The following BLVRA variants were observed in gnomAD, a reference collection of about 807,000 sequenced individuals.
BLVRA encodes the protein biliverdin reductase A, also known as BVR A.
A neutral mutation model predicts 32.8 loss-of-function variants in BLVRA; 22 were observed. The observed-to-expected ratio is 0.67, with a 90% CI of 0.48 to 0.96. The LOEUF is 0.96. BLVRA is among the 40% of genes least tolerant of loss of function. The pLI is 0.00. For missense variants in BLVRA, 323 were observed against 358.1 expected (o/e 0.90, Z 0.79); for synonymous variants, 119 against 141.3 (o/e 0.84, Z 1.12).
intron 5 of BLVRA, 34 bp from the exon 6 acceptor site, chr7:43,800,431 G>A (rs925773947): frequency 1.2e-5 from 19 of 1,592,344 alleles, no homozygotes; most frequent in African/African-American, 2.7e-5. Flanking sequence ...CACAACTGAC[G>A]ACTGCCCTTT....
chr7:43,785,916 G>A (rs1381752739), intron 2 of BLVRA, among the ~76,000 whole-genome samples: 5 of 151,774 alleles, frequency 3.3e-5, no homozygotes, highest in Non-Finnish European at 7.4e-5. Context: ...CCAACAAATG[G>A]GATAAAATGG....
At chr7:43,772,291 C>T (rs979036939) in intron 2 of BLVRA, among the ~76,000 whole-genome samples, 3 of 152,254 alleles carry the variant, frequency 2.0e-5, no homozygotes, top group Non-Finnish European at 4.4e-5. Flanking sequence ...CATATGTTCG[C>T]ATTCCCTTTC....
At chr7:43,790,903 C>A (rs1443608464) in intron 3 of BLVRA, among the ~76,000 whole-genome samples, 1 of 152,174 alleles carries the variant, frequency 6.6e-6, no homozygotes, top group Non-Finnish European at 1.5e-5. Flanking sequence ...GAACTCCTGA[C>A]CTCAAGTGAT....
At chr7:43,784,112 C>T (rs1270940946) in intron 2 of BLVRA, among the ~76,000 whole-genome samples, 2 of 152,324 alleles carry the variant, frequency 1.3e-5, no homozygotes, top group East Asian at 3.9e-4. Flanking sequence ...GTTTTTTAGT[C>T]ACTTTGCTGT....
At chr7:43,777,975 C>G (rs2095763444) in intron 2 of BLVRA, among the ~76,000 whole-genome samples, 1 of 152,210 alleles carries the variant, frequency 6.6e-6, no homozygotes, top group Non-Finnish European at 1.5e-5. Flanking sequence ...AGTTCTCGAG[C>G]CTTGGCTTTC....
chr7:43,789,036 T>A (rs2095782081), intron 3 of BLVRA, among the ~76,000 whole-genome samples: 1 of 149,838 alleles, frequency 6.7e-6, no homozygotes, highest in Non-Finnish European at 1.5e-5. Context: ...CTCACCCCTG[T>A]ACACACACAC....
chr7:43,797,037 C>T (rs926443737), intron 5 of BLVRA, among the ~76,000 whole-genome samples: 1 of 152,230 alleles, frequency 6.6e-6, no homozygotes, highest in African/African-American at 2.4e-5. Context: ...CAGCAGCCAT[C>T]AACATGGAAG....
chr7:43,780,315 A>AAGCCAGCAGCCAC (rs1328047379), intron 2 of BLVRA, among the ~76,000 whole-genome samples: 2 of 152,282 alleles, frequency 1.3e-5, no homozygotes, highest in Non-Finnish European at 2.9e-5. Context: ...CTGTTCCCAC[A>AAGCCAGCAGCCAC]AGCCAGCAGC....
intron 5 of BLVRA, among the ~76,000 whole-genome samples, chr7:43,798,930 C>G (rs1294949498): frequency 6.6e-6 from 1 of 150,876 alleles, no homozygotes; most frequent in African/African-American, 2.4e-5. Flanking sequence ...AACACAGAGA[C>G]TGTTACATAG....
At chr7:43,773,038 T>G (rs2095756344) in intron 2 of BLVRA, among the ~76,000 whole-genome samples, 1 of 152,184 alleles carries the variant, frequency 6.6e-6, no homozygotes, top group African/African-American at 2.4e-5. Flanking sequence ...TCCCACTACC[T>G]CTTTCTCATC....
At chr7:43,769,770 G>A (rs1001378762) in intron 1 of BLVRA, among the ~76,000 whole-genome samples, 5 of 152,152 alleles carry the variant, frequency 3.3e-5, no homozygotes, top group Admixed American at 6.5e-5. Flanking sequence ...CACCACACCC[G>A]GCTAATTTTT....
In BLVRA at chr7:43,791,840, C is replaced by T. The variant is rs2095786445; in HGVS notation, c.254+472C>T. On this transcript the variant is annotated intron_variant, in intron 4 of 7. Coordinates refer to ENST00000265523, the MANE Select transcript of BLVRA (RefSeq NM_000712.4). Reference sequence around the variant, plus strand: ...TTAACCCTCAGGACCTGGCAGCTAACAGGGAAGTGCCAGCTGCCTTCCTCA... The same window carrying T: ...TTAACCCTCAGGACCTGGCAGCTAATAGGGAAGTGCCAGCTGCCTTCCTCA... 3.3e-5 allele frequency: 6 copies of T among 179,224 alleles called. 1 individual carries two copies. In the South Asian group the frequency reaches 6.5e-4, roughly 20 times the overall value. The allele number at this position is 179,224 out of a possible 1,614,324, so 11.1% of individuals were successfully genotyped here.
At chr7:43,790,595 A>G (rs767363166) in intron 3 of BLVRA, among the ~76,000 whole-genome samples, 1 of 152,200 alleles carries the variant, frequency 6.6e-6, no homozygotes, top group Non-Finnish European at 1.5e-5. Context: ...GGTAGTCACA[A>G]TGTTTGGCCA....
At chr7:43,766,861 G>A (rs544671774) in intron 1 of BLVRA, among the ~76,000 whole-genome samples, 3 of 152,222 alleles carry the variant, frequency 2.0e-5, no homozygotes. Context: ...GCCAGGTGCA[G>A]TGGCTCATGC....
At chr7:43,788,619 ATTT>A (rs1206798000) in intron 3 of BLVRA, among the ~76,000 whole-genome samples, 3 of 151,282 alleles carry the variant, frequency 2.0e-5, no homozygotes, top group Non-Finnish European at 3.0e-5. Flanking sequence ...TATTATTATT[ATTT>A]TTTTTGAGAC....
intron 2 of BLVRA, 31 bp downstream of exon 2, chr7:43,771,201 ATGCT>A: frequency 6.2e-7 from 1 of 1,610,702 alleles, no homozygotes; most frequent in Non-Finnish European, 8.5e-7. Flanking sequence ...AGTTTAAGGG[ATGCT>A]TTTCTTATTG....
At chr7:43,767,358 A>T in intron 1 of BLVRA, 2 of 1,598,628 alleles carry the variant, frequency 1.3e-6, no homozygotes, top group Middle Eastern at 1.8e-4. Context: ...AAAGCTCATT[A>T]GCATCTACAC....
rs780523342 is a variant in BLVRA at position 43,803,758 on chromosome 7, G to C, written c.543G>C (p.Gly181=). 8 of 1,614,182 alleles carry C rather than the reference G, an allele frequency of 5.0e-6. No individual in the cohort carries two copies. In the Admixed American group the frequency reaches 1.3e-4, roughly 27 times the overall value. Residue 181 remains glycine, a synonymous_variant, in exon 7 of 8, where the codon GGG becomes GGC. Transcript: ENST00000265523. ...TGACCTGGCTGGTCTCCCTCTTTGG[G>C]GAGCTTTCTCTTGTGTCTGCCACTT... is the stretch of plus-strand genomic sequence containing the variant. The part of the protein sequence containing the change: ...SRLTWLVSLF[G]ELSLVSATLE...
intron 1 of BLVRA, among the ~76,000 whole-genome samples, chr7:43,760,931 G>A (rs750236142): frequency 6.6e-6 from 1 of 152,140 alleles, no homozygotes; most frequent in Non-Finnish European, 1.5e-5. Context: ...ACCATGACCA[G>A]CTAATTTTTA....
Sources: allele counts gnomAD v4.1 joint callset (sites outside exome capture counted in the v4.1 genomes callset), GRCh38; gene constraint gnomAD v4.1.1; transcripts MANE v1.5; gene names NCBI Gene and HGNC (gene_info 2026-07-23, HGNC 2026-07-21).